Variants in LIN9 observed in about 807,000 individuals in gnomAD.
LIN9 encodes the protein lin-9 DREAM MuvB core complex component, also known as protein lin-9 homolog.
In LIN9, 18 loss-of-function variants were observed where a neutral mutation model predicts 78.0. That is an observed-to-expected ratio of 0.23 (90% confidence interval 0.16 to 0.34). The LOEUF (loss-of-function observed/expected upper bound fraction) is 0.34, where lower values mean the gene tolerates loss of function less well. LIN9 is among the 10% of genes least tolerant of loss of function. The pLI is 1.00. For missense variants in LIN9, 451 were observed against 644.1 expected (o/e 0.70, Z 3.25); for synonymous variants, 192 against 215.2 (o/e 0.89, Z 0.94).
At chr1:226,279,813 C>G (rs1213569496) in intron 6 of LIN9, among the ~76,000 whole-genome samples, 1 of 148,102 alleles carries the variant, frequency 6.8e-6, no homozygotes, top group Non-Finnish European at 1.5e-5. Context: ...GGAACTGTTT[C>G]TTTTCACAGT....
chr1:226,232,142 C>A lies in LIN9; in HGVS notation c.*359G>T. The A allele has an allele frequency of 2.5e-6, 1 of 399,330 alleles. No individual in the cohort carries two copies. Among genetic ancestry groups the A allele is most frequent in the African/African-American group, 2.1e-5 (1 of 48,692 alleles). The allele number at this position is 399,330 out of a possible 1,614,324, so 24.7% of individuals were successfully genotyped here. On this transcript the variant is annotated 3_prime_UTR_variant, in exon 15 of 15. Transcript: ENST00000681046. ...AAAAGACCAGGTTTCTTCATACTCTCCATTGCAGCAGTTGTCTGCATGTGT... is the reference window on the plus strand; with the variant it reads ...AAAAGACCAGGTTTCTTCATACTCTACATTGCAGCAGTTGTCTGCATGTGT...
chr1:226,297,893 C>A, intron 2 of LIN9, 80 bp from the exon 3 acceptor site: 1 of 577,622 alleles, frequency 1.7e-6, no homozygotes, highest in Non-Finnish European at 2.9e-6. Flanking sequence ...TTTTTCATAA[C>A]AGCCATATAT....
chr1:226,297,294 T>C (rs993024586), intron 3 of LIN9, among the ~76,000 whole-genome samples: 1 of 152,180 alleles, frequency 6.6e-6, no homozygotes, highest in African/African-American at 2.4e-5. Flanking sequence ...CTGTTAGTCA[T>C]GTCAATTATA....
At chr1:226,287,613 A>G in intron 5 of LIN9, 51 bp downstream of exon 5, 1 of 1,348,218 alleles carries the variant, frequency 7.4e-7, no homozygotes, top group Non-Finnish European at 1.0e-6. Flanking sequence ...CACTTGAAAA[A>G]CTTAAATTTC....
chr1:226,296,517 A>G (rs1380816426), intron 3 of LIN9, among the ~76,000 whole-genome samples: 1 of 152,244 alleles, frequency 6.6e-6, no homozygotes, highest in Non-Finnish European at 1.5e-5. Flanking sequence ...AGTACATCAT[A>G]CACTTAAGGG....
intron 5 of LIN9, among the ~76,000 whole-genome samples, chr1:226,286,909 C>A (rs1275017304): frequency 6.6e-6 from 1 of 152,152 alleles, no homozygotes; most frequent in Non-Finnish European, 1.5e-5. Context: ...CACTGAGACA[C>A]CCTGAAAACT....
At position 226,265,702 on chromosome 1, in the gene LIN9, T is replaced by C. The variant is rs1558176729; in HGVS notation, c.937-68A>G. ...AGGAAGTATCTTATTTTTTTATTTT[T>C]ATTTTTTTTTAGACGGAGTCTCGCT... On this transcript the variant is annotated intron_variant, in intron 9 of 14. Transcript: ENST00000681046. The surrounding 1 kb of genome is among the most constrained non-coding windows in gnomAD (Gnocchi z 4.1). 3 of 878,132 alleles carry C rather than the reference T, an allele frequency of 3.4e-6. No homozygotes were observed. The East Asian group carries it at 8.4e-5, about 25-fold the overall frequency. 54.4% of individuals were successfully genotyped at this position (878,132 alleles called of 1,614,324 possible).
At chr1:226,289,709 T>C (rs891331476) in intron 4 of LIN9, among the ~76,000 whole-genome samples, 5 of 151,854 alleles carry the variant, frequency 3.3e-5, no homozygotes, top group East Asian at 3.9e-4. Flanking sequence ...GATGTAGAGA[T>C]AGAAAGCCTG....
chr1:226,251,994 C>T (rs1658860017), intron 10 of LIN9, among the ~76,000 whole-genome samples: 1 of 152,144 alleles, frequency 6.6e-6, no homozygotes, highest in South Asian at 2.1e-4. Flanking sequence ...GTGGCTCACA[C>T]CTGTAATCCC....
intron 3 of LIN9, among the ~76,000 whole-genome samples, chr1:226,296,557 C>T (rs1662160074): frequency 6.6e-6 from 1 of 152,000 alleles, no homozygotes; most frequent in African/African-American, 2.4e-5. Flanking sequence ...TACAGTTCAC[C>T]CTAGGTTCAG....
intron 1 of LIN9, among the ~76,000 whole-genome samples, chr1:226,305,434 A>G (rs1662849513): frequency 6.6e-6 from 1 of 150,814 alleles, no homozygotes; most frequent in Non-Finnish European, 1.5e-5. Flanking sequence ...TCAAGGCTGC[A>G]GTGAGCCACG....
chr1:226,278,598 T>G (rs980232529), intron 6 of LIN9, among the ~76,000 whole-genome samples: 1 of 147,936 alleles, frequency 6.8e-6, no homozygotes, highest in Non-Finnish European at 1.5e-5. Flanking sequence ...CCACGGCGGG[T>G]GGATGACCTG....
At chr1:226,279,900 A>C (rs1452806501) in intron 6 of LIN9, among the ~76,000 whole-genome samples, 1 of 152,174 alleles carries the variant, frequency 6.6e-6, no homozygotes, top group Non-Finnish European at 1.5e-5. Context: ...CCTACAAAGC[A>C]AAATAATTTT....
intron 10 of LIN9, among the ~76,000 whole-genome samples, chr1:226,253,702 G>A (rs191776350): frequency 7.2e-5 from 11 of 151,964 alleles, no homozygotes; most frequent in Non-Finnish European, 1.2e-4. Context: ...GATCACCTGA[G>A]GTCAGGAGTT....
intron 10 of LIN9, among the ~76,000 whole-genome samples, chr1:226,258,040 C>T (rs1199503849): frequency 2.6e-5 from 4 of 151,974 alleles, no homozygotes; most frequent in African/African-American, 9.7e-5. Context: ...CAAAAATTAG[C>T]AGGTGTGGTG....
chr1:226,268,072 T>C lies in LIN9; in HGVS notation c.701A>G (p.His234Arg). 6.2e-7 allele frequency: 1 copy of C among 1,613,928 alleles called. No homozygotes were observed. The highest frequency in any genetic ancestry group is 8.5e-7 in the Non-Finnish European group (1 of 1,179,916). ...TATTTGTCCAGTGAACAAACCATCA[T>C]GAACACCACGTAATCGTGCTGAGAA... is the stretch of plus-strand genomic sequence containing the variant. The part of the protein sequence containing the change: ...TKVTARLRGV[H>R]DGLFTGQIDA... Residue 234 changes from histidine (H) to arginine (R), a missense_variant, in exon 8 of 15, where the codon CAT becomes CGT. Coordinates refer to ENST00000681046, the MANE Select transcript of LIN9 (RefSeq NM_001366245.2).
At chr1:226,234,893 A>AATTTT (rs752963775) in intron 12 of LIN9, among the ~76,000 whole-genome samples, 1 of 134,340 alleles carries the variant, frequency 7.4e-6, no homozygotes, top group Admixed American at 8.0e-5. Flanking sequence ...GTTATCCTAA[A>AATTTT]TTTTTTTTTT....
chr1:226,269,256 TCA>T (rs1576316650), intron 7 of LIN9, among the ~76,000 whole-genome samples: 1 of 152,192 alleles, frequency 6.6e-6, no homozygotes, highest in African/African-American at 2.4e-5. Context: ...AAAATCTCTC[TCA>T]GTTTCTGACA....
At chr1:226,260,628 G>GATTTT (rs1659504220) in intron 10 of LIN9, among the ~76,000 whole-genome samples, 1 of 73,430 alleles carries the variant, frequency 1.4e-5, no homozygotes, top group African/African-American at 5.0e-5. Context: ...GGCCAAATGA[G>GATTTT]TTTTTTTTTT....
Sources: allele counts gnomAD v4.1 joint callset (sites outside exome capture counted in the v4.1 genomes callset), GRCh38; gene constraint gnomAD v4.1.1; non-coding constraint Gnocchi (gnomAD v3.1); transcripts MANE v1.5; gene names NCBI Gene and HGNC (gene_info 2026-07-23, HGNC 2026-07-21).